Variants in LAPTM4B observed in about 807,000 individuals in gnomAD.
LAPTM4B encodes lysosomal-associated transmembrane protein 4B.
A neutral mutation model predicts 28.5 loss-of-function variants in LAPTM4B; 26 were observed. The observed-to-expected ratio is 0.91, with a 90% CI of 0.67 to 1.27. LAPTM4B has a LOEUF of 1.27. Ranked by LOEUF, LAPTM4B falls within the 50% of genes most tolerant of loss-of-function variation. The probability of loss-of-function intolerance (pLI) is 0.00; values close to 1 mark genes in which losing one functional copy is unlikely to be tolerated. For missense variants in LAPTM4B, 288 were observed against 285.8 expected, an observed-to-expected ratio of 1.01 and a Z score of -0.06; for synonymous variants, 109 against 106.4, an observed-to-expected ratio of 1.02 and a Z score of -0.15.
In LAPTM4B at chr8:97,775,831, A is replaced by C. The variant is rs1273481302; in HGVS notation, c.-179A>C. On this transcript the variant is annotated 5_prime_UTR_variant, in exon 1 of 7. Transcript: ENST00000521545. ...GTCGCCTTCGGAGCGAAGGGTACCG[A>C]CCCGGCAGAAGCTCGGAGCTCTCGG... is the stretch of plus-strand genomic sequence containing the variant. 2 of 1,544,516 alleles carry C rather than the reference A, an allele frequency of 1.3e-6. No individual in the cohort carries two copies. The highest frequency in any genetic ancestry group is 1.7e-6 in the Non-Finnish European group (2 of 1,151,490).
At chr8:97,847,696 C>T (rs534879751) in intron 6 of LAPTM4B, among the ~76,000 whole-genome samples, 90 of 152,318 alleles carry the variant, frequency 5.9e-4, no homozygotes, top group African/African-American at 2.0e-3. Context: ...CCTTCACCAA[C>T]CCTTCTAATA....
At chr8:97,848,079 C>A (rs574458722) in intron 6 of LAPTM4B, among the ~76,000 whole-genome samples, 1 of 152,116 alleles carries the variant, frequency 6.6e-6, no homozygotes, top group East Asian at 1.9e-4. Flanking sequence ...GCCTGGCCAA[C>A]GTGGCAAAAC....
In LAPTM4B at chr8:97,810,626, T is replaced by TA. The variant is rs1340220904; in HGVS notation, c.212-4701dup. 2.6e-5 allele frequency among the ~76,000 whole-genome samples: 4 copies of TA among 152,360 alleles called. No homozygotes were observed. In the East Asian group the frequency reaches 5.8e-4, roughly 22 times the overall value. On this transcript the variant is annotated intron_variant, in intron 2 of 6. Transcript: ENST00000521545. Reference sequence around the variant, plus strand: ...AGCATGTATGTGTGGCATATTGTGTTACACACTCATAGCCCTGAGTAGAAG... The same window carrying TA: ...AGCATGTATGTGTGGCATATTGTGTTAACACACTCATAGCCCTGAGTAGAAG...
chr8:97,825,000 A>G, intron 5 of LAPTM4B, 58 bp from the exon 6 acceptor site: 1 of 919,716 alleles, frequency 1.1e-6, no homozygotes, highest in Middle Eastern at 2.2e-4. Flanking sequence ...TCTGTGTGGT[A>G]TTCTAAATTA....
chr8:97,848,883 T>C (rs962431965), intron 6 of LAPTM4B, among the ~76,000 whole-genome samples: 4 of 152,160 alleles, frequency 2.6e-5, no homozygotes, highest in Admixed American at 6.5e-5. Flanking sequence ...AAGTCAAATA[T>C]GCACACGCAG....
Position 97,815,322 on chromosome 8 carries a change from C to T in LAPTM4B, c.212-6C>T, listed in dbSNP as rs766184397. The T allele has an allele frequency of 1.5e-5, 24 of 1,591,252 alleles. No individual in the cohort carries two copies. Among genetic ancestry groups the T allele is most frequent in the Non-Finnish European group, 1.8e-5 (21 of 1,159,996 alleles). On this transcript the variant is annotated splice_region_variant and splice_polypyrimidine_tract_variant and intron_variant, in intron 2 of 6. Coordinates refer to ENST00000521545, the MANE Select transcript of LAPTM4B (RefSeq NM_018407.6). ...TTTAAAGAAATTCTTTTTAATCTTTCGGCAGACATGTGCATTGCCATTGCG... is the reference window on the plus strand; with the variant it reads ...TTTAAAGAAATTCTTTTTAATCTTTTGGCAGACATGTGCATTGCCATTGCG...
intron 6 of LAPTM4B, among the ~76,000 whole-genome samples, chr8:97,828,557 C>G (rs748746762): frequency 6.6e-6 from 1 of 152,176 alleles, no homozygotes; most frequent in Admixed American, 6.5e-5. Flanking sequence ...AGTTTTTGAG[C>G]TCTGTCTTTA....
chr8:97,827,284 T>G, intron 6 of LAPTM4B, among the ~76,000 whole-genome samples: 1 of 152,178 alleles, frequency 6.6e-6, no homozygotes, highest in East Asian at 1.9e-4. Context: ...CTGTGGGTCT[T>G]AAGACCTTCC....
intron 6 of LAPTM4B, among the ~76,000 whole-genome samples, chr8:97,836,410 A>AC (rs1270747413): frequency 6.6e-6 from 1 of 152,052 alleles, no homozygotes; most frequent in Non-Finnish European, 1.5e-5. Context: ...CGAACTCCTG[A>AC]CCTCAGGTGA....
intron 6 of LAPTM4B, 74 bp downstream of exon 6, chr8:97,825,227 T>A: frequency 1.3e-6 from 1 of 747,326 alleles, no homozygotes; most frequent in South Asian, 1.8e-5. Context: ...GTGTTTCTAG[T>A]GTTTGCTACA....
intron 5 of LAPTM4B, among the ~76,000 whole-genome samples, chr8:97,824,722 G>A (rs1817067538): frequency 1.3e-5 from 2 of 152,106 alleles, no homozygotes; most frequent in Non-Finnish European, 2.9e-5. Context: ...GTGAATTCAG[G>A]AGCGATAATG....
intron 6 of LAPTM4B, among the ~76,000 whole-genome samples, chr8:97,848,302 G>A (rs921386553): frequency 6.6e-6 from 1 of 152,042 alleles, no homozygotes; most frequent in Non-Finnish European, 1.5e-5. Flanking sequence ...GATTTAAAAT[G>A]AAACTTTAAA....
Position 97,820,598 on chromosome 8 carries a change from T to C in LAPTM4B, c.507+1360T>C, listed in dbSNP as rs537098791. Among the ~76,000 whole-genome samples the C allele has an allele frequency of 3.1e-4, 47 of 152,238 alleles. 1 individual carries two copies. Among genetic ancestry groups the C allele is most frequent in the Admixed American group, 2.9e-3 (45 of 15,294 alleles). On this transcript the variant is annotated intron_variant, in intron 5 of 6. Coordinates refer to ENST00000521545, the MANE Select transcript of LAPTM4B (RefSeq NM_018407.6). ...TTGGAAACCAGTTGGCCAGGTGAAA[T>C]GGCTCACACCTGTGATCCCAACACT... is the stretch of plus-strand genomic sequence containing the variant.
At chr8:97,814,139 C>T (rs1054766639) in intron 2 of LAPTM4B, among the ~76,000 whole-genome samples, 3 of 152,224 alleles carry the variant, frequency 2.0e-5, no homozygotes, top group African/African-American at 7.2e-5. Flanking sequence ...CTGCAATGAG[C>T]CATGATCACA....
chr8:97,834,894 C>A (rs1817238114), intron 6 of LAPTM4B, among the ~76,000 whole-genome samples: 2 of 152,166 alleles, frequency 1.3e-5, no homozygotes, highest in Admixed American at 6.5e-5. Flanking sequence ...GGTTAGAGGA[C>A]AGGCTTTTTG....
chr8:97,786,394 C>T (rs1041627872), intron 1 of LAPTM4B, among the ~76,000 whole-genome samples: 1 of 134,218 alleles, frequency 7.5e-6, no homozygotes, highest in Non-Finnish European at 1.5e-5. Context: ...TATTAGTAAA[C>T]ATAACATTGA....
At chr8:97,783,598 T>TTAACC (rs1816356560) in intron 1 of LAPTM4B, among the ~76,000 whole-genome samples, 1 of 152,104 alleles carries the variant, frequency 6.6e-6, no homozygotes, top group African/African-American at 2.4e-5. Context: ...CTTGGAAAGA[T>TTAACC]TAACCGAGAG....
At chr8:97,828,431 G>A (rs1170388414) in intron 6 of LAPTM4B, among the ~76,000 whole-genome samples, 1 of 152,134 alleles carries the variant, frequency 6.6e-6, no homozygotes, top group Non-Finnish European at 1.5e-5. Context: ...AAAAGACAAG[G>A]TCCGAATAAG....
chr8:97,835,919 C>G (rs7004556), intron 6 of LAPTM4B, among the ~76,000 whole-genome samples: 59,649 of 152,084 alleles, frequency 0.39, 12,307 homozygotes, highest in Non-Finnish European at 0.46. Context: ...ACCTGAGCAC[C>G]ACTTACAAGA....
Sources: gnomAD v4.1 joint callset for allele counts (sites outside exome capture counted in the v4.1 genomes callset) on GRCh38, gnomAD v4.1.1 for gene constraint, MANE v1.5 for transcripts, NCBI Gene and HGNC (gene_info 2026-07-23, HGNC 2026-07-21) for gene names.